The following ACER3 variants were observed in gnomAD, a reference collection of about 807,000 sequenced individuals.
The protein encoded by ACER3 is alkaline ceramidase 3.
ACER3 carries 16 observed loss-of-function variants against 48.9 expected under a neutral mutation model. That is an observed-to-expected ratio of 0.33 (90% confidence interval 0.22 to 0.50). ACER3 has a LOEUF of 0.50. Among genes scored for constraint, ACER3 ranks in the 20% least tolerant of loss-of-function variants. The pLI, the probability that ACER3 is intolerant of heterozygous loss-of-function variation, is 0.98. For missense variants in ACER3, 227 were observed against 326.0 expected, an observed-to-expected ratio of 0.70 and a Z score of 2.34; for synonymous variants, 109 against 107.8, an observed-to-expected ratio of 1.01 and a Z score of -0.07.
At chr11:76,946,868 C>T (rs905444549) in intron 2 of ACER3, among the ~76,000 whole-genome samples, 2 of 152,198 alleles carry the variant, frequency 1.3e-5, no homozygotes, top group South Asian at 4.1e-4. Context: ...CTTTCTGTGT[C>T]AGGCCTGAGG....
At chr11:76,955,328 A>C (rs1947809533) in intron 2 of ACER3, 8 of 152,242 alleles carry the variant, frequency 5.3e-5, no homozygotes, top group Admixed American at 3.9e-4. Flanking sequence ...TGTGAAATAC[A>C]ATATGTTCAT....
chr11:76,995,816 G>A (rs551458622), intron 6 of ACER3, among the ~76,000 whole-genome samples: 3 of 152,204 alleles, frequency 2.0e-5, no homozygotes, highest in South Asian at 2.1e-4. Context: ...ATGTTGCCAA[G>A]GCATAGGTTC....
chr11:76,969,629 G>T (rs1343866358), intron 3 of ACER3, among the ~76,000 whole-genome samples: 1 of 151,830 alleles, frequency 6.6e-6, no homozygotes, highest in African/African-American at 2.4e-5. Context: ...AAAAGGATGA[G>T]TTCATGTCCT....
At chr11:76,953,172 C>T (rs1369729600) in intron 2 of ACER3, among the ~76,000 whole-genome samples, 2 of 152,140 alleles carry the variant, frequency 1.3e-5, no homozygotes, top group Non-Finnish European at 2.9e-5. Flanking sequence ...AAGAAATCAG[C>T]GGAGCCAAAT....
At chr11:77,005,992 T>TA (rs1491403985) in intron 7 of ACER3, among the ~76,000 whole-genome samples, 2,996 of 70,220 alleles carry the variant, frequency 0.043, 129 homozygotes, top group African/African-American at 0.15. Flanking sequence ...TATATATATA[T>TA]TTTTTTTTTT....
chr11:76,990,071 T>C (rs530904301), intron 5 of ACER3, among the ~76,000 whole-genome samples: 66 of 152,320 alleles, frequency 4.3e-4, no homozygotes, highest in African/African-American at 1.6e-3. Context: ...ATCACTATTA[T>C]TGTTCATTAT....
At chr11:76,999,507 A>C (rs1263037269) in intron 7 of ACER3, among the ~76,000 whole-genome samples, 2 of 152,104 alleles carry the variant, frequency 1.3e-5, no homozygotes, top group Non-Finnish European at 2.9e-5. Context: ...ACAAAACTAT[A>C]TTACAATATC....
intron 6 of ACER3, among the ~76,000 whole-genome samples, chr11:76,991,907 T>A (rs1948812546): frequency 1.3e-5 from 2 of 152,098 alleles, no homozygotes; most frequent in Non-Finnish European, 2.9e-5. Flanking sequence ...ATTACTATTT[T>A]ATTTAGAAAG....
chr11:76,989,187 C>T (rs1296874827), intron 5 of ACER3, among the ~76,000 whole-genome samples: 2 of 150,816 alleles, frequency 1.3e-5, no homozygotes, highest in Non-Finnish European at 2.9e-5. Flanking sequence ...TTTAGAGTTA[C>T]AGATATACAA....
chr11:76,912,421 T>A (rs930793632), intron 1 of ACER3, among the ~76,000 whole-genome samples: 4 of 152,184 alleles, frequency 2.6e-5, no homozygotes, highest in African/African-American at 7.2e-5. Context: ...ACGGCAGCCC[T>A]AGGAAATTAA....
chr11:76,916,441 T>C (rs947527046), intron 1 of ACER3, among the ~76,000 whole-genome samples: 1 of 152,160 alleles, frequency 6.6e-6, no homozygotes, highest in African/African-American at 2.4e-5. Context: ...ACTGAGGAGA[T>C]AAGTCATAAA....
intron 7 of ACER3, among the ~76,000 whole-genome samples, chr11:77,007,985 A>G (rs1180026941): frequency 6.6e-6 from 1 of 152,218 alleles, no homozygotes; most frequent in Non-Finnish European, 1.5e-5. Flanking sequence ...GCTTGATTTA[A>G]TCATTCCACA....
intron 3 of ACER3, among the ~76,000 whole-genome samples, chr11:76,967,907 C>T (rs1948182188): frequency 6.6e-6 from 1 of 152,146 alleles, no homozygotes; most frequent in Non-Finnish European, 1.5e-5. Flanking sequence ...TCTCTCACCA[C>T]TCCTATTCAA....
In ACER3 at chr11:76,977,756, G is replaced by A. The variant is rs911167701; in HGVS notation, c.320+1415G>A. Among the ~76,000 whole-genome samples the A allele has an allele frequency of 2.0e-5, 3 of 152,300 alleles. No homozygotes were observed. In the East Asian group the frequency reaches 5.8e-4, roughly 29 times the overall value. On this transcript the variant is annotated intron_variant, in intron 4 of 10. Coordinates refer to ENST00000532485, the MANE Select transcript of ACER3 (RefSeq NM_018367.7). ...CCCCTACTGAGTTGGTGGGGCAGGA[G>A]CCCCACACTCCCGGGCACAGCTGCA...
chr11:76,949,184 A>G (rs937285217), intron 2 of ACER3, among the ~76,000 whole-genome samples: 1 of 152,244 alleles, frequency 6.6e-6, no homozygotes, highest in Non-Finnish European at 1.5e-5. Context: ...ATTCTATTAT[A>G]CACTTGAGAA....
At chr11:76,886,883 G>A (rs1173537584) in intron 1 of ACER3, among the ~76,000 whole-genome samples, 3 of 152,072 alleles carry the variant, frequency 2.0e-5, no homozygotes, top group Non-Finnish European at 2.9e-5. Flanking sequence ...TTGGCATGTT[G>A]CCCAGGCTGG....
rs1306651080 is a variant in ACER3 at position 76,888,288 on chromosome 11, AG to A, written c.103+27210del. Among the ~76,000 whole-genome samples, 4 of 152,372 alleles carry A rather than the reference AG, an allele frequency of 2.6e-5. No homozygotes were observed. In the East Asian group the frequency reaches 7.7e-4, roughly 29 times the overall value. ...ACAAAACATGGCATTAATTTAAAAA[AG>A]ATCTGAAATTTAAGCTATATATTGA... On this transcript the variant is annotated intron_variant, in intron 1 of 10. Transcript: ENST00000532485.
intron 7 of ACER3, among the ~76,000 whole-genome samples, chr11:77,013,050 A>G (rs1949300694): frequency 6.6e-6 from 1 of 152,224 alleles, no homozygotes. Context: ...TGCTGGAACA[A>G]ATGAATATTC....
chr11:76,968,523 C>T (rs1308118431), intron 3 of ACER3, among the ~76,000 whole-genome samples: 3 of 152,188 alleles, frequency 2.0e-5, no homozygotes, highest in Non-Finnish European at 2.9e-5. Flanking sequence ...GGAGGCATCA[C>T]TCTACCTGAC....
Sources: gnomAD v4.1 joint callset for allele counts (sites outside exome capture counted in the v4.1 genomes callset) on GRCh38, gnomAD v4.1.1 for gene constraint, MANE v1.5 for transcripts, NCBI Gene and HGNC (gene_info 2026-07-23, HGNC 2026-07-21) for gene names.